Variants in ANKFY1 observed in about 807,000 individuals in gnomAD.
ANKFY1 encodes ankyrin repeat and FYVE domain containing 1.
A neutral mutation model predicts 128.3 loss-of-function variants in ANKFY1; 47 were observed. That is an observed-to-expected ratio of 0.37 (90% CI 0.29 to 0.47). ANKFY1 has a LOEUF of 0.47. ANKFY1 is among the 20% of genes least tolerant of loss of function. ANKFY1 has a pLI of 1.00. For synonymous variants in ANKFY1, 553 were observed against 601.6 expected, an observed-to-expected ratio of 0.92 and a Z score of 1.18; for missense variants, 1,222 against 1,510.6, an observed-to-expected ratio of 0.81 and a Z score of 3.17.
intron 3 of ANKFY1, chr17:4,223,434 G>C (rs1014394687): frequency 2.3e-6 from 3 of 1,322,612 alleles, no homozygotes; most frequent in Non-Finnish European, 3.3e-6. Flanking sequence ...GCTAGGAACT[G>C]TATCACTGAT....
At chr17:4,194,172 G>C (rs913356175) in intron 10 of ANKFY1, among the ~76,000 whole-genome samples, 1 of 137,938 alleles carries the variant, frequency 7.2e-6, no homozygotes, top group African/African-American at 2.7e-5. Flanking sequence ...GCGATGGCAC[G>C]ATCTTGGCTC....
chr17:4,174,333 T>C (rs1277556726), intron 19 of ANKFY1, among the ~76,000 whole-genome samples: 1 of 152,160 alleles, frequency 6.6e-6, no homozygotes, highest in Non-Finnish European at 1.5e-5. Flanking sequence ...ATAAAAGCTG[T>C]GCAGGACTGC....
In ANKFY1 at chr17:4,235,810, A is replaced by G. The variant is rs747576777; in HGVS notation, c.284T>C (p.Leu95Pro). The G allele has an allele frequency of 8.7e-6, 14 of 1,614,096 alleles. No individual in the cohort carries two copies. The South Asian group carries it at 1.5e-4, about 18-fold the overall frequency. Residue 95 changes from leucine to proline, a missense_variant, in exon 3 of 25, where the codon CTG becomes CCG. Leu to Pro is a moderately conservative substitution (Grantham distance 98). Transcript: ENST00000341657. ...CTCTTTAGTGGAAGACAAGTTAGCC[A>G]GACTCCAGCTGTCACTGCGGGCTGC... ...VLAARSDSWS[L>P]ANLSSTKELD...
At chr17:4,204,586 C>T (rs1294379736) in intron 7 of ANKFY1, among the ~76,000 whole-genome samples, 3 of 152,186 alleles carry the variant, frequency 2.0e-5, no homozygotes, top group African/African-American at 7.2e-5. Flanking sequence ...AAATGTATCA[C>T]TAATTCTTGG....
At chr17:4,183,773 G>C in intron 13 of ANKFY1, 39 bp downstream of exon 13, 1 of 1,566,298 alleles carries the variant, frequency 6.4e-7, no homozygotes, top group Non-Finnish European at 8.8e-7. Context: ...TCGGACAGCT[G>C]TCTGTCTGCA....
chr17:4,235,746 G>T, intron 3 of ANKFY1, 26 bp downstream of exon 3: 1 of 1,547,054 alleles, frequency 6.5e-7, no homozygotes, highest in Non-Finnish European at 8.9e-7. Flanking sequence ...TAGCAGTTTT[G>T]TGTCCCTGAT....
chr17:4,206,823 T>A (rs2060033074), intron 6 of ANKFY1, among the ~76,000 whole-genome samples: 2 of 152,182 alleles, frequency 1.3e-5, no homozygotes, highest in African/African-American at 4.8e-5. Flanking sequence ...AGCTAATGTT[T>A]TCATGAAAGG....
intron 1 of ANKFY1, among the ~76,000 whole-genome samples, chr17:4,260,072 G>C (rs1317943583): frequency 6.6e-6 from 1 of 152,140 alleles, no homozygotes; most frequent in African/African-American, 2.4e-5. Context: ...AAATAAGCTC[G>C]AAGTGTTAAG....
intron 21 of ANKFY1, 23 bp downstream of exon 21, chr17:4,173,331 C>T: frequency 6.2e-7 from 1 of 1,610,932 alleles, no homozygotes; most frequent in Non-Finnish European, 8.5e-7. Context: ...GCCGCGGGGC[C>T]TACTCGGGCC....
At chr17:4,218,722 C>G (rs2060260286) in intron 3 of ANKFY1, among the ~76,000 whole-genome samples, 1 of 152,040 alleles carries the variant, frequency 6.6e-6, no homozygotes. Context: ...TAAAAATTAG[C>G]TGGGCACATG....
Position 4,169,213 on chromosome 17 carries a change from G to A in ANKFY1, c.3362C>T (p.Thr1121Ile). Residue 1121 changes from threonine to isoleucine, a missense_variant, in exon 24 of 25, where the codon ACT becomes ATT. Transcript: ENST00000341657. This position sits in a 1 kb window ranked among gnomAD's most constrained non-coding sequence, Gnocchi z 5.0. ...YECTARFGVTTRKHHCRHCGR... is the reference protein window; with the variant it reads ...YECTARFGVTIRKHHCRHCGR... Reference sequence around the variant, plus strand: ...GGGGTCTTACCAGTGGTGTTTGCGAGTGGTGACTCCGAACCTGGCAGTGCA... The same window carrying A: ...GGGGTCTTACCAGTGGTGTTTGCGAATGGTGACTCCGAACCTGGCAGTGCA... 1.3e-6 allele frequency: 2 copies of A among 1,552,590 alleles called. No homozygotes were observed. Among genetic ancestry groups the A allele is most frequent in the Admixed American group, 2.0e-5 (1 of 51,200 alleles).
chr17:4,232,796 AT>A (rs1228689876), intron 3 of ANKFY1, among the ~76,000 whole-genome samples: 2 of 152,152 alleles, frequency 1.3e-5, no homozygotes, highest in African/African-American at 4.8e-5. Context: ...GTAAAGCAAA[AT>A]TTTTTAATTC....
chr17:4,198,026 G>A (rs185928678), intron 7 of ANKFY1, among the ~76,000 whole-genome samples: 1 of 152,202 alleles, frequency 6.6e-6, no homozygotes, highest in East Asian at 1.9e-4. Context: ...CTACTTGGGA[G>A]GCTGAGGCAC....
At position 4,228,871 on chromosome 17, in the gene ANKFY1, C is replaced by G. The variant is rs8072738; in HGVS notation, c.322+6901G>C. ...AAAGAAACCAAACTGACAGGCAGCA[C>G]GGCACTGTGGTTAATGGCACGAATT... On this transcript the variant is annotated intron_variant, in intron 3 of 24. Coordinates refer to ENST00000341657, the MANE Select transcript of ANKFY1 (RefSeq NM_001330063.2). 3.3e-5 allele frequency among the ~76,000 whole-genome samples: 5 copies of G among 152,182 alleles called. No homozygotes were observed. In the South Asian group the frequency reaches 1.0e-3, roughly 32 times the overall value.
intron 2 of ANKFY1, 142 bp downstream of exon 2, chr17:4,242,114 C>G (rs1046740689): frequency 2.5e-6 from 2 of 810,640 alleles, no homozygotes; most frequent in Non-Finnish European, 3.5e-6. Flanking sequence ...AATCTTGCCT[C>G]AAGGAGCTTC....
intron 3 of ANKFY1, chr17:4,222,176 CGCT>C (rs1025654891): frequency 1.6e-4 from 24 of 148,292 alleles, no homozygotes; most frequent in Admixed American, 1.6e-3. Flanking sequence ...CCGCCGCCGC[CGCT>C]GCTGCTACCC....
At position 4,167,952 on chromosome 17, in the gene ANKFY1, G is replaced by T. The variant is rs199886194; in HGVS notation, c.3378-41C>A. 6.3e-7 allele frequency: 1 copy of T among 1,592,008 alleles called. No homozygotes were observed. The highest frequency in any genetic ancestry group is 8.6e-7 in the Non-Finnish European group (1 of 1,166,458). On this transcript the variant is annotated intron_variant, in intron 24 of 24. Transcript: ENST00000341657. This position sits in a 1 kb window ranked among gnomAD's most constrained non-coding sequence, Gnocchi z 4.1. ...AAGGAAGTATGAGAGGAGCGCCAAC[G>T]ACAGACTCTGCTTCCTGGCACGTGA...
rs187695276 is a variant in ANKFY1 at position 4,178,775 on chromosome 17, G to A, written c.2598+82C>T. The A allele has an allele frequency of 2.9e-6, 4 of 1,361,220 alleles. No homozygotes were observed. Among genetic ancestry groups the A allele is most frequent in the African/African-American group, 2.9e-5 (2 of 69,854 alleles). The allele number at this position is 1,361,220 out of a possible 1,614,324, so 84.3% of individuals were successfully genotyped here. On this transcript the variant is annotated intron_variant, in intron 18 of 24. Coordinates refer to ENST00000341657, the MANE Select transcript of ANKFY1 (RefSeq NM_001330063.2). The surrounding 1 kb of genome is among the most constrained non-coding windows in gnomAD (Gnocchi z 4.1). ...CAAAGCTCTTTCCATGAGGAGACCTGTTTAGTCGGTGACATCTGTCTAGTC... is the reference window on the plus strand; with the variant it reads ...CAAAGCTCTTTCCATGAGGAGACCTATTTAGTCGGTGACATCTGTCTAGTC...
chr17:4,194,872 T>C (rs1196636405), intron 10 of ANKFY1, 106 bp downstream of exon 10: 1 of 1,024,844 alleles, frequency 9.8e-7, no homozygotes. Context: ...ATAATTATCC[T>C]CATAGTATGC....
Sources: allele counts gnomAD v4.1 joint callset (sites outside exome capture counted in the v4.1 genomes callset), GRCh38; gene constraint gnomAD v4.1.1; non-coding constraint Gnocchi (gnomAD v3.1); transcripts MANE v1.5; gene names NCBI Gene and HGNC (gene_info 2026-07-23, HGNC 2026-07-21).